PLA2G6: variants seen among roughly 807,000 people sequenced by gnomAD.
PLA2G6 encodes phospholipase A2 group VI, also known as 85/88 kDa calcium-independent phospholipase A2.
In PLA2G6, 62 loss-of-function variants were observed where a neutral mutation model predicts 83.8. That is an observed-to-expected ratio of 0.74 (90% CI 0.60 to 0.91). The LOEUF is 0.91. PLA2G6 is among the 40% of genes least tolerant of loss of function. The pLI is 0.00. For missense variants in PLA2G6, 944 were observed against 1,102.0 expected, an observed-to-expected ratio of 0.86 and a Z score of 2.03; for synonymous variants, 417 against 449.8, an observed-to-expected ratio of 0.93 and a Z score of 0.92.
chr22:38,129,536 G>T lies in PLA2G6; in HGVS notation c.1104C>A (p.Ala368=). The T allele has an allele frequency of 6.2e-7, 1 of 1,613,814 alleles. No homozygotes were observed. Among genetic ancestry groups the T allele is most frequent in the Non-Finnish European group, 8.5e-7 (1 of 1,179,676 alleles). The change falls in exon 8 of 17, where the codon GCC becomes GCA. Residue 368 remains alanine, a synonymous_variant. Coordinates refer to ENST00000332509, the MANE Select transcript of PLA2G6 (RefSeq NM_003560.4). Reference sequence around the variant, plus strand: ...CCACTTCTGCTCCGAACACGATGAGGGCCTTGATCATCTCCACGTTGTCTT... The same window carrying T: ...CCACTTCTGCTCCGAACACGATGAGTGCCTTGATCATCTCCACGTTGTCTT... ...MSKDNVEMIK[A]LIVFGAEVDT... is the part of the protein sequence containing the mutation.
intron 4 of PLA2G6, chr22:38,140,538 G>C (rs1359670488): frequency 3.6e-6 from 1 of 276,662 alleles, no homozygotes; most frequent in African/African-American, 2.2e-5. Flanking sequence ...GAAGCACCAG[G>C]AAAGCCAAGT....
rs2088317210 is a variant in PLA2G6 at position 38,132,982 on chromosome 22, T to G, written c.926A>C (p.Asn309Thr). The G allele has an allele frequency of 1.9e-6, 3 of 1,567,942 alleles. No homozygotes were observed. The highest frequency in any genetic ancestry group is 2.6e-6 in the Non-Finnish European group (3 of 1,157,076). Residue 309 changes from asparagine to threonine, a missense_variant, in exon 7 of 17, where the codon AAC (asparagine) becomes ACC (threonine). Asn to Thr is a moderately conservative substitution (Grantham distance 65, BLOSUM62 0). Coordinates refer to ENST00000332509, the MANE Select transcript of PLA2G6 (RefSeq NM_003560.4). This position sits in a 1 kb window ranked among gnomAD's most constrained non-coding sequence, Gnocchi z 5.0. ...CCCCGCGGAGCTGGTGCTGTTCACG[T>G]TGCAGCCCCGTTTCAGCAGCATGCG... The part of the protein sequence containing the change: ...MARMLLKRGC[N>T]VNSTSSAGNT...
At chr22:38,165,644 C>T (rs1038062220) in intron 2 of PLA2G6, among the ~76,000 whole-genome samples, 4 of 152,080 alleles carry the variant, frequency 2.6e-5, no homozygotes, top group Admixed American at 6.6e-5. Context: ...GAGGCTGAGG[C>T]GGGCAGATCA....
At chr22:38,117,437 C>T (rs780507118) in intron 12 of PLA2G6, among the ~76,000 whole-genome samples, 5 of 152,094 alleles carry the variant, frequency 3.3e-5, no homozygotes, top group Admixed American at 6.6e-5. Context: ...CCTCATGATC[C>T]GCCCACCTCG....
chr22:38,114,941 C>T (rs541948340), intron 14 of PLA2G6, among the ~76,000 whole-genome samples: 13 of 152,312 alleles, frequency 8.5e-5, no homozygotes, highest in South Asian at 2.1e-4. Context: ...TCGCCCACCC[C>T]GGTCACCCAC....
At chr22:38,169,517 GC>G in intron 1 of PLA2G6, 46 bp from the exon 2 acceptor site, 1 of 1,085,514 alleles carries the variant, frequency 9.2e-7, no homozygotes, top group Non-Finnish European at 1.4e-6. Context: ...AGTCTCCCAT[GC>G]CCATCTCACC....
chr22:38,170,418 G>A (rs918544109), intron 1 of PLA2G6, among the ~76,000 whole-genome samples: 1 of 151,868 alleles, frequency 6.6e-6, no homozygotes, highest in African/African-American at 2.4e-5. Flanking sequence ...GGAAATGAAC[G>A]AACTGCACCT....
chr22:38,177,335 A>C (rs2090674845), intron 1 of PLA2G6, among the ~76,000 whole-genome samples: 1 of 151,988 alleles, frequency 6.6e-6, no homozygotes, highest in South Asian at 2.1e-4. Context: ...AGCTCATTCC[A>C]ACCTCTTTCC....
At chr22:38,180,686 A>C (rs964922941) in intron 1 of PLA2G6, among the ~76,000 whole-genome samples, 3 of 152,100 alleles carry the variant, frequency 2.0e-5, no homozygotes, top group African/African-American at 4.8e-5. Flanking sequence ...CCAACAGTAA[A>C]ATCATGTATT....
rs1175259651 is a variant in PLA2G6, at chr22:38,116,222, A to G, written c.1743-11T>C. The G allele has an allele frequency of 5.0e-6, 8 of 1,613,778 alleles. No homozygotes were observed. The highest frequency in any genetic ancestry group is 6.8e-6 in the Non-Finnish European group (8 of 1,179,954). On this transcript the variant is annotated splice_polypyrimidine_tract_variant and intron_variant, in intron 12 of 16. Transcript: ENST00000332509. ...CCTGTCAGCATCACCCTGGAGAGAA[A>G]TGAGGCAGGAGGACGGCTGAGCCAC...
Position 38,129,472 on chromosome 22 carries a change from C to T in PLA2G6, c.1168G>A (p.Ala390Thr), listed in dbSNP as rs775059242. The T allele has an allele frequency of 2.5e-6, 4 of 1,612,822 alleles. No individual in the cohort carries two copies. Among genetic ancestry groups the T allele is most frequent in the Non-Finnish European group, 3.4e-6 (4 of 1,178,912 alleles). The part of the protein sequence containing the change: ...NDFGETPTFL[A>T]SKIGRLVTRK... ...CACATACGTCTGCCGATTTTGGAGG[C>T]TAGGAATGTAGGAGTCTCCCCAAAG... is the stretch of plus-strand genomic sequence containing the variant. The change falls in exon 8 of 17, where the codon GCC becomes ACC. Residue 390 changes from alanine (A) to threonine (T), a missense_variant. Transcript: ENST00000332509.
At chr22:38,163,134 A>C (rs2090083340) in intron 2 of PLA2G6, among the ~76,000 whole-genome samples, 2 of 152,110 alleles carry the variant, frequency 1.3e-5, no homozygotes, top group South Asian at 4.1e-4. Context: ...AAAAAATGCC[A>C]AGGACCCTCA....
At chr22:38,179,220 C>A (rs773359676) in intron 1 of PLA2G6, among the ~76,000 whole-genome samples, 7 of 152,154 alleles carry the variant, frequency 4.6e-5, no homozygotes, top group Non-Finnish European at 1.0e-4. Context: ...AGCAAGGAAG[C>A]CAGTGACATC....
intron 2 of PLA2G6, 171 bp from the exon 3 acceptor site, chr22:38,145,824 CACACACACA>C (rs1363196159): frequency 4.5e-6 from 3 of 660,326 alleles, no homozygotes; most frequent in Non-Finnish European, 8.3e-6. Context: ...CACACACACA[CACACACACA>C]CCCCTATACA....
chr22:38,169,537 C>CCGCTGCACTG, intron 1 of PLA2G6, 66 bp from the exon 2 acceptor site: 1 of 884,204 alleles, frequency 1.1e-6, no homozygotes, highest in Non-Finnish European at 1.8e-6. Context: ...CCCAGTGCAG[C>CCGCTGCACTG]GGTTTCCTGC....
Position 38,123,162 on chromosome 22 carries a change from G to C in PLA2G6, c.1524C>G (p.Thr508=), listed in dbSNP as rs905660569. The change falls in exon 11 of 17, where the codon ACC becomes ACG. Residue 508 remains threonine, a synonymous_variant. Coordinates refer to ENST00000332509, the MANE Select transcript of PLA2G6 (RefSeq NM_003560.4). This position sits in a 1 kb window ranked among gnomAD's most constrained non-coding sequence, Gnocchi z 4.1. Reference sequence around the variant, plus strand: ...CCGCCACCCAGTCAAACAGGTCCTTGGTGGCCACACCCGAGGCCTTCTCGA... The same window carrying C: ...CCGCCACCCAGTCAAACAGGTCCTTCGTGGCCACACCCGAGGCCTTCTCGA... The part of the protein sequence containing the change: ...IAIEKASGVA[T]KDLFDWVAGT... 1 of 1,550,830 alleles carries C rather than the reference G, an allele frequency of 6.4e-7. No homozygotes were observed. Among genetic ancestry groups the C allele is most frequent in the Non-Finnish European group, 8.7e-7 (1 of 1,147,472 alleles).
At chr22:38,177,850 C>G (rs1337076814) in intron 1 of PLA2G6, among the ~76,000 whole-genome samples, 1 of 152,176 alleles carries the variant, frequency 6.6e-6, no homozygotes, top group Non-Finnish European at 1.5e-5. Flanking sequence ...ACAGGTTACA[C>G]AGTTTGCCAG....
In PLA2G6 at chr22:38,115,679, G is replaced by A; in HGVS notation, c.1882C>T (p.Gln628Ter). 1 of 1,601,154 alleles carries A rather than the reference G, an allele frequency of 6.2e-7. No homozygotes were observed. Among genetic ancestry groups the A allele is most frequent in the South Asian group, 1.1e-5 (1 of 89,428 alleles). The part of the protein sequence containing the change: ...NLRPPAQPSD[Q>*]LVWRAARSSG... ...CTTCGGGCCGCCCGCCACACCAGCT[G>A]GTCTAGGGGCGGGGAAGGAGGGCGG... The change falls in exon 14 of 17, where the codon CAG becomes TAG. Residue 628 changes from glutamine (Q) to a stop codon, truncating the protein, a stop_gained and splice_region_variant. Transcript: ENST00000332509. LOFTEE classifies it high-confidence loss of function.
At chr22:38,165,362 CG>C (rs2090174243) in intron 2 of PLA2G6, among the ~76,000 whole-genome samples, 1 of 152,112 alleles carries the variant, frequency 6.6e-6, no homozygotes, top group Admixed American at 6.5e-5. Context: ...AGTGCAGGGA[CG>C]GGTGCCATGG....
Sources: allele counts gnomAD v4.1 joint callset (sites outside exome capture counted in the v4.1 genomes callset), GRCh38; gene constraint gnomAD v4.1.1; non-coding constraint Gnocchi (gnomAD v3.1); transcripts MANE v1.5; gene names NCBI Gene and HGNC (gene_info 2026-07-23, HGNC 2026-07-21).